ADCK1: variants seen among roughly 807,000 people sequenced by gnomAD.
ADCK1 encodes the protein aarF domain containing kinase 1, also known as aarF domain-containing protein kinase 1.
A neutral mutation model predicts 52.3 loss-of-function variants in ADCK1; 41 were observed. The ratio of observed to expected loss-of-function variants is 0.78; its 90% confidence interval spans 0.61 to 1.02. The LOEUF (loss-of-function observed/expected upper bound fraction) is 1.02. Ranked by LOEUF, ADCK1 falls within the 50% of genes least tolerant of loss-of-function variation. The pLI, the probability that ADCK1 is intolerant of heterozygous loss-of-function variation, is 0.00. For missense variants in ADCK1, 658 were observed against 679.5 expected (o/e 0.97, Z 0.35); for synonymous variants, 250 against 274.6 (o/e 0.91, Z 0.89).
intron 7 of ADCK1, among the ~76,000 whole-genome samples, chr14:77,920,898 C>T (rs1364859481): frequency 6.6e-6 from 1 of 152,092 alleles, no homozygotes; most frequent in Non-Finnish European, 1.5e-5. Flanking sequence ...AATTATCCCT[C>T]CTGAGCCTCC....
At chr14:77,897,040 A>C (rs2083425783) in intron 5 of ADCK1, among the ~76,000 whole-genome samples, 1 of 152,202 alleles carries the variant, frequency 6.6e-6, no homozygotes, top group African/African-American at 2.4e-5. Context: ...AGAACAGGGC[A>C]AAAAGAAGCA....
chr14:77,916,158 A>C (rs1227818510), intron 7 of ADCK1, among the ~76,000 whole-genome samples: 1 of 152,170 alleles, frequency 6.6e-6, no homozygotes, highest in South Asian at 2.1e-4. Context: ...GTTGTTGTCC[A>C]AGGCCAGAGA....
chr14:77,889,895 A>AC (rs1257927244), intron 5 of ADCK1, among the ~76,000 whole-genome samples: 1 of 151,472 alleles, frequency 6.6e-6, no homozygotes, highest in African/African-American at 2.4e-5. Flanking sequence ...TTAAAAAAAA[A>AC]AAAAAAAAAC....
At position 77,828,715 on chromosome 14, in the gene ADCK1, C is replaced by T. The variant is rs10133809; in HGVS notation, c.219+6197C>T. On this transcript the variant is annotated intron_variant, in intron 3 of 10. Coordinates refer to ENST00000238561, the MANE Select transcript of ADCK1 (RefSeq NM_020421.4). ...GCTAATTTTGTATTTTTAGTAGAGA[C>T]GGGGTTTCACTATGTTGGTTAGGCT... 3.5e-3 allele frequency among the ~76,000 whole-genome samples: 531 copies of T among 152,072 alleles called. 3 individuals carry two copies. Among genetic ancestry groups the T allele is most frequent in the African/African-American group, 0.012 (494 of 41,474 alleles).
intron 4 of ADCK1, 21 bp downstream of exon 4, chr14:77,859,300 G>A: frequency 6.2e-7 from 1 of 1,607,594 alleles, no homozygotes; most frequent in Non-Finnish European, 8.5e-7. Flanking sequence ...TTGCAGGGGG[G>A]ATGGGCCTTG....
At chr14:77,928,549 C>T (rs1404354611) in intron 9 of ADCK1, among the ~76,000 whole-genome samples, 9 of 151,910 alleles carry the variant, frequency 5.9e-5, no homozygotes, top group Non-Finnish European at 1.2e-4. Flanking sequence ...GCAACCTCTG[C>T]CTCCCAGGTT....
In ADCK1 at chr14:77,801,842, TGAG is replaced by T. The variant is rs1369714747; in HGVS notation, c.-12+1679_-12+1681del. 7.2e-5 allele frequency among the ~76,000 whole-genome samples: 11 copies of T among 152,034 alleles called. No homozygotes were observed. In the East Asian group the frequency reaches 1.9e-3, roughly 27 times the overall value. On this transcript the variant is annotated intron_variant, in intron 1 of 10. Coordinates refer to ENST00000238561, the MANE Select transcript of ADCK1 (RefSeq NM_020421.4). ...CTGTAGTCCCAGCTACTTGGGAGGC[TGAG>T]GAGGAGAACAGCTTGAACCCGGGAG...
chr14:77,887,034 C>T lies in ADCK1; in HGVS notation c.424-57C>T, dbSNP rs1008224282. 26 of 1,489,486 alleles carry T rather than the reference C, an allele frequency of 1.7e-5. No homozygotes were observed. The African/African-American group carries it at 3.3e-4, about 19-fold the overall frequency. The allele number at this position is 1,489,486 out of a possible 1,614,324, so 92.3% of individuals were successfully genotyped here. A position where few individuals can be genotyped will look rare whatever the true frequency, so the allele number is the denominator to read the frequency against. On this transcript the variant is annotated intron_variant, in intron 4 of 10. Transcript: ENST00000238561. The stretch of plus-strand genomic sequence containing the variant: ...CTGACTCTGGCCCATCTTCCTGGCT[C>T]CCTCTCACTGAACTGGGTCATCTTT...
intron 1 of ADCK1, among the ~76,000 whole-genome samples, chr14:77,804,458 G>A (rs1003815095): frequency 3.3e-5 from 5 of 152,072 alleles, no homozygotes; most frequent in African/African-American, 1.2e-4. Flanking sequence ...ACATTTGCAC[G>A]AAAACAGGGT....
chr14:77,861,933 G>T (rs1566677330), intron 4 of ADCK1, among the ~76,000 whole-genome samples: 1 of 152,248 alleles, frequency 6.6e-6, no homozygotes, highest in African/African-American at 2.4e-5. Context: ...CAGTGCAGAG[G>T]TGAGGGCACT....
At chr14:77,853,246 A>T (rs1409051350) in intron 3 of ADCK1, among the ~76,000 whole-genome samples, 1 of 151,704 alleles carries the variant, frequency 6.6e-6, no homozygotes, top group East Asian at 1.9e-4. Context: ...CTGCCTCCCA[A>T]GTAGCTGGGA....
intron 3 of ADCK1, among the ~76,000 whole-genome samples, chr14:77,831,035 C>A (rs1373625100): frequency 2.0e-5 from 3 of 152,144 alleles, no homozygotes; most frequent in Admixed American, 6.6e-5. Context: ...AGACACAGGG[C>A]TGAGCATATA....
chr14:77,892,298 C>T (rs1056422281), intron 5 of ADCK1, among the ~76,000 whole-genome samples: 3 of 152,126 alleles, frequency 2.0e-5, no homozygotes, highest in African/African-American at 4.8e-5. Context: ...TAGAGGTCTA[C>T]AGGGGTGAGA....
chr14:77,825,884 TG>T (rs1226698362), intron 3 of ADCK1, among the ~76,000 whole-genome samples: 5 of 152,214 alleles, frequency 3.3e-5, no homozygotes, highest in Non-Finnish European at 7.4e-5. Flanking sequence ...AGCTAACCGG[TG>T]CTATGGGCCT....
At chr14:77,905,576 C>T (rs1395549133) in intron 6 of ADCK1, among the ~76,000 whole-genome samples, 1 of 152,038 alleles carries the variant, frequency 6.6e-6, no homozygotes, top group Non-Finnish European at 1.5e-5. Context: ...TAGGGGCCCA[C>T]TGTCAAAGGT....
chr14:77,892,420 A>T (rs907719109), intron 5 of ADCK1, among the ~76,000 whole-genome samples: 2 of 152,112 alleles, frequency 1.3e-5, no homozygotes, highest in Non-Finnish European at 2.9e-5. Context: ...ACTAACCCTT[A>T]TTATCTCACA....
intron 5 of ADCK1, among the ~76,000 whole-genome samples, chr14:77,892,819 G>C (rs973228403): frequency 6.6e-6 from 1 of 152,144 alleles, no homozygotes; most frequent in Non-Finnish European, 1.5e-5. Flanking sequence ...GTACAAACTT[G>C]GGGTTGTGTT....
chr14:77,859,505 T>C (rs374970594), intron 4 of ADCK1, among the ~76,000 whole-genome samples: 1 of 152,212 alleles, frequency 6.6e-6, no homozygotes, highest in African/African-American at 2.4e-5. Context: ...GAGACTGTTA[T>C]TGACCTGAAA....
At chr14:77,817,090 A>G (rs935543856) in intron 1 of ADCK1, among the ~76,000 whole-genome samples, 2 of 151,722 alleles carry the variant, frequency 1.3e-5, no homozygotes, top group Non-Finnish European at 2.9e-5. Context: ...AAAAATACAA[A>G]AATTAGCTGG....
Sources: allele counts gnomAD v4.1 joint callset (sites outside exome capture counted in the v4.1 genomes callset), GRCh38; gene constraint gnomAD v4.1.1; transcripts MANE v1.5; gene names NCBI Gene and HGNC (gene_info 2026-07-23, HGNC 2026-07-21).